NOP9: variants seen among roughly 807,000 people sequenced by gnomAD.
NOP9 encodes the protein NOP9 nucleolar protein.
Under a neutral mutation model 63.0 loss-of-function variants are expected in NOP9, and 50 were observed. The observed-to-expected ratio is 0.79, with a 90% CI of 0.63 to 1.00. The LOEUF (loss-of-function observed/expected upper bound fraction) is 1.00. NOP9 is among the 50% of genes least tolerant of loss of function. The pLI is 0.00. For synonymous variants in NOP9, 343 were observed against 332.8 expected (o/e 1.03, Z -0.33); for missense variants, 758 against 803.0 (o/e 0.94, Z 0.68).
chr14:24,304,188 A>G lies in NOP9; in HGVS notation c.1558A>G (p.Ser520Gly). Residue 520 changes from serine to glycine, a missense_variant, in exon 8 of 10, where the codon AGT (serine) becomes GGT (glycine). Transcript: ENST00000267425. ...TGPQLLSLAQ[S>G]PAGSHVLDAI... ...ACCACAGCTTCTGTCCCTTGCCCAA[A>G]GTCCCGCTGGCTCTCATGTGCTCGA... 6.2e-7 allele frequency: 1 copy of G among 1,614,216 alleles called. No individual in the cohort carries two copies. The highest frequency in any genetic ancestry group is 8.5e-7 in the Non-Finnish European group (1 of 1,180,034).
chr14:24,304,322 T>C (rs1345020576), intron 8 of NOP9, 45 bp downstream of exon 8: 1 of 1,519,064 alleles, frequency 6.6e-7, no homozygotes, highest in Non-Finnish European at 9.1e-7. Context: ...ATCATCCATT[T>C]AGAGAATATG....
the NOP9 span, among the ~76,000 whole-genome samples, chr14:24,279,543 C>CA: frequency 1.3e-5 from 2 of 152,302 alleles, no homozygotes; most frequent in South Asian, 4.1e-4. Flanking sequence ...TTCTAACTCT[C>CA]CCAGGGTGTG....
chr14:24,291,050 C>T, the NOP9 span: 1 of 1,613,306 alleles, frequency 6.2e-7, no homozygotes, highest in Non-Finnish European at 8.5e-7. Context: ...CCTCAGATAC[C>T]CTCACCTTGG....
chr14:24,292,724 G>A, the NOP9 span: 3 of 1,614,174 alleles, frequency 1.9e-6, no homozygotes, highest in Non-Finnish European at 2.5e-6. Context: ...TGACCACGAT[G>A]AGCCCCTGGC....
the NOP9 span, among the ~76,000 whole-genome samples, chr14:24,285,359 G>T: frequency 6.6e-6 from 1 of 152,170 alleles, no homozygotes; most frequent in South Asian, 2.1e-4. Context: ...GGAAGTTTCT[G>T]GTGGTGGGAG....
chr14:24,283,447 AAACTT>A, the NOP9 span, among the ~76,000 whole-genome samples: 3 of 152,064 alleles, frequency 2.0e-5, no homozygotes, highest in African/African-American at 7.2e-5. Context: ...AAAAAAAAAA[AAACTT>A]AACCAGGCAT....
Position 24,302,276 on chromosome 14 carries a change from T to C in NOP9, c.995T>C (p.Leu332Pro), listed in dbSNP as rs746108569. 6.2e-7 allele frequency: 1 copy of C among 1,614,170 alleles called. No individual in the cohort carries two copies. The highest frequency in any genetic ancestry group is 2.2e-5 in the East Asian group (1 of 44,884). The change falls in exon 5 of 10, where the codon CTG becomes CCG. Residue 332 changes from leucine to proline, a missense_variant. Leu to Pro is a moderately conservative substitution (Grantham distance 98, BLOSUM62 -3). Transcript: ENST00000267425. The part of the protein sequence containing the change: ...FLRDQTSSRL[L>P]EQVLLVLEPP... ...CGAGATCAGACGAGTTCCAGACTCCTGGAGCAGGTCCTGCTGGTGTTGGAG... is the reference window on the plus strand; with the variant it reads ...CGAGATCAGACGAGTTCCAGACTCCCGGAGCAGGTCCTGCTGGTGTTGGAG...
chr14:24,292,189 T>C, the NOP9 span: 1 of 1,614,014 alleles, frequency 6.2e-7, no homozygotes. Context: ...CCAACCTGCT[T>C]CAACACAGGA....
upstream of NOP9, chr14:24,299,816 C>A: frequency 8.8e-7 from 1 of 1,139,506 alleles, no homozygotes; most frequent in South Asian, 1.7e-5. Context: ...TGGGGCGGCG[C>A]GGAACTATGA....
At chr14:24,276,151 C>T in the NOP9 span, among the ~76,000 whole-genome samples, 1 of 151,878 alleles carries the variant, frequency 6.6e-6, no homozygotes, top group Non-Finnish European at 1.5e-5. Context: ...CCGAGGCAGG[C>T]GGATCACTTG....
the NOP9 span, among the ~76,000 whole-genome samples, chr14:24,288,663 C>T: frequency 3.3e-5 from 5 of 151,992 alleles, no homozygotes; most frequent in African/African-American, 2.4e-5. Flanking sequence ...TTGACAATTT[C>T]GATGGTTATG....
the NOP9 span, chr14:24,291,150 C>T: frequency 9.3e-6 from 15 of 1,613,972 alleles, no homozygotes; most frequent in South Asian, 7.7e-5. Context: ...GTCCACATCC[C>T]GAAGGCCATA....
chr14:24,284,982 ACTC>A, the NOP9 span, among the ~76,000 whole-genome samples: 1 of 151,454 alleles, frequency 6.6e-6, no homozygotes, highest in African/African-American at 2.4e-5. Context: ...GCTGATGGAA[ACTC>A]CTCCTCAGTG....
In NOP9 at chr14:24,306,332, A is replaced by G. The variant is rs372802918; in HGVS notation, c.*1237A>G. The G allele has an allele frequency of 2.9e-5, 46 of 1,612,974 alleles. No homozygotes were observed. Among genetic ancestry groups the G allele is most frequent in the Non-Finnish European group, 2.2e-5 (26 of 1,179,160 alleles). On this transcript the variant is annotated 3_prime_UTR_variant, in exon 10 of 10. Transcript: ENST00000267425. ...TAGAGAGGAAGCCCGGGAAAGCTCT[A>G]AAGGACAGGCATTGGAAGCAGCCCC...
At chr14:24,290,761 T>TA in the NOP9 span, 1 of 1,487,922 alleles carries the variant, frequency 6.7e-7, no homozygotes, top group Non-Finnish European at 9.3e-7. Flanking sequence ...ATATCAAGGG[T>TA]ATGGGTAAAC....
At chr14:24,271,324 C>G in the NOP9 span, 2 of 511,102 alleles carry the variant, frequency 3.9e-6, no homozygotes, top group Admixed American at 7.5e-5. Context: ...AGCACCCGGA[C>G]TAGGACTTCC....
chr14:24,296,938 A>C, upstream of NOP9: 1 of 1,608,906 alleles, frequency 6.2e-7, no homozygotes, highest in African/African-American at 1.3e-5. Context: ...AGTCATGACA[A>C]AACTCCCCAA....
chr14:24,303,046 CAG>C (rs1156457347), intron 5 of NOP9, 26 bp from the exon 6 acceptor site: 2 of 1,500,842 alleles, frequency 1.3e-6, no homozygotes, highest in Non-Finnish European at 8.9e-7. Flanking sequence ...ACCAGAATGC[CAG>C]AGTTACATTC....
At position 24,300,440 on chromosome 14, in the gene NOP9, G is replaced by A. The variant is rs185864031; in HGVS notation, c.280G>A (p.Glu94Lys). Residue 94 changes from glutamate to lysine, a missense_variant, in exon 2 of 10, where the codon GAG (glutamate) becomes AAG (lysine). Glu to Lys is a moderately conservative substitution (Grantham distance 56). Transcript: ENST00000267425. Reference protein sequence around the residue: ...LMVHNIMKEVETQALALSTNR... With the variant: ...LMVHNIMKEVKTQALALSTNR... ...GGTGCACAATATAATGAAGGAAGTA[G>A]AGACTCAGGCCCTAGCTTTGTCCAC... The A allele has an allele frequency of 1.2e-5, 20 of 1,613,642 alleles. No homozygotes were observed. The highest frequency in any genetic ancestry group is 1.7e-5 in the Admixed American group (1 of 59,986).
Sources: gnomAD v4.1 joint callset for allele counts (sites outside exome capture counted in the v4.1 genomes callset) on GRCh38, gnomAD v4.1.1 for gene constraint, MANE v1.5 for transcripts, NCBI Gene and HGNC (gene_info 2026-07-23, HGNC 2026-07-21) for gene names.